Variants in ABLIM1 observed in about 807,000 individuals in gnomAD.
The protein encoded by ABLIM1 is actin-binding LIM protein 1.
In ABLIM1, 40 loss-of-function variants were observed where a neutral mutation model predicts 107.0. The observed-to-expected ratio is 0.37, with a 90% CI of 0.29 to 0.49. The LOEUF is 0.49. Among genes scored for constraint, ABLIM1 ranks in the 20% least tolerant of loss-of-function variants. The pLI is 0.97. For missense variants in ABLIM1, 857 were observed against 1,008.5 expected (o/e 0.85, Z 2.04); for synonymous variants, 357 against 357.3 (o/e 1.00, Z 0.01).
chr10:114,774,146 G>T, the ABLIM1 span, among the ~76,000 whole-genome samples: 24 of 152,074 alleles, frequency 1.6e-4, no homozygotes, highest in Non-Finnish European at 2.1e-4. Flanking sequence ...ATTATAAACT[G>T]GAATTCTGCT....
intron 1 of ABLIM1, among the ~76,000 whole-genome samples, chr10:114,731,054 A>G (rs2082062742): frequency 6.6e-6 from 1 of 152,130 alleles, no homozygotes; most frequent in African/African-American, 2.4e-5. Flanking sequence ...TTGTTTATCT[A>G]TTCACCAGTT....
At chr10:114,601,654 G>A (rs766803585) in intron 2 of ABLIM1, 173 bp downstream of exon 2, 22 of 1,071,466 alleles carry the variant, frequency 2.1e-5, no homozygotes, top group African/African-American at 4.7e-5. Flanking sequence ...AGCAGGACTC[G>A]TTCTCGCCCT....
chr10:114,538,856 G>C (rs1235898664), intron 6 of ABLIM1, among the ~76,000 whole-genome samples: 2 of 152,354 alleles, frequency 1.3e-5, no homozygotes, highest in East Asian at 3.9e-4. Flanking sequence ...TAGCCCCTGG[G>C]GGCATAGGAA....
At chr10:114,536,396 T>C (rs1483028886) in intron 6 of ABLIM1, among the ~76,000 whole-genome samples, 4 of 151,764 alleles carry the variant, frequency 2.6e-5, no homozygotes, top group African/African-American at 9.7e-5. Context: ...TACAGGTAAC[T>C]GCCACCACGC....
At chr10:114,691,084 T>A (rs1410281948) in intron 1 of ABLIM1, among the ~76,000 whole-genome samples, 1 of 152,246 alleles carries the variant, frequency 6.6e-6, no homozygotes, top group Non-Finnish European at 1.5e-5. Flanking sequence ...AGGACAATTA[T>A]GAATCCCTCT....
intron 8 of ABLIM1, among the ~76,000 whole-genome samples, chr10:114,478,954 A>C (rs2056913314): frequency 6.6e-6 from 1 of 152,238 alleles, no homozygotes; most frequent in Non-Finnish European, 1.5e-5. Context: ...GGGATAAAAC[A>C]CATCTATGTA....
chr10:114,525,427 A>G (rs1406261127), intron 6 of ABLIM1, among the ~76,000 whole-genome samples: 1 of 152,256 alleles, frequency 6.6e-6, no homozygotes, highest in Non-Finnish European at 1.5e-5. Flanking sequence ...TCACTGACAC[A>G]TGAAAATGCT....
upstream of ABLIM1, among the ~76,000 whole-genome samples, chr10:114,689,337 C>T (rs1264990437): frequency 6.6e-6 from 1 of 151,656 alleles, no homozygotes; most frequent in Non-Finnish European, 1.5e-5. Flanking sequence ...ACAGAGTTCA[C>T]CCACCATTTT....
chr10:114,505,518 C>A (rs573008699), intron 6 of ABLIM1, among the ~76,000 whole-genome samples: 3 of 152,170 alleles, frequency 2.0e-5, no homozygotes, highest in Non-Finnish European at 2.9e-5. Flanking sequence ...CCAAATAGTA[C>A]AATTAAGTGC....
chr10:114,759,587 A>G (rs925690146), intron 1 of ABLIM1, among the ~76,000 whole-genome samples: 9 of 152,206 alleles, frequency 5.9e-5, no homozygotes, highest in African/African-American at 1.9e-4. Context: ...ACCTCAGCAC[A>G]CCAACTTGCC....
In ABLIM1 at chr10:114,440,719, C is replaced by T. The variant is rs745752851; in HGVS notation, c.2059+298G>A. 1.5e-4 allele frequency: 70 copies of T among 478,340 alleles called. No homozygotes were observed. The Middle Eastern group carries it at 1.7e-3, about 11-fold the overall frequency. 29.6% of individuals were successfully genotyped at this position (478,340 alleles called of 1,614,324 possible). On this transcript the variant is annotated intron_variant, in intron 19 of 22. Transcript: ENST00000533213. ...CAAGTAATCCTTCCGCCTCAGCCTC[C>T]CAAAGTGTTGGGATTGCAGGCATGA... is the stretch of plus-strand genomic sequence containing the variant.
intron 1 of ABLIM1, among the ~76,000 whole-genome samples, chr10:114,748,679 T>C (rs1383262672): frequency 6.7e-6 from 1 of 148,888 alleles, no homozygotes; most frequent in African/African-American, 2.5e-5. Context: ...TTTTTAGTGA[T>C]GAGGTCTTTC....
the ABLIM1 span, among the ~76,000 whole-genome samples, chr10:114,789,593 TTTTTTGAC>T: frequency 6.6e-6 from 1 of 152,180 alleles, no homozygotes; most frequent in Non-Finnish European, 1.5e-5. Context: ...GCATCTGTTA[TTTTTTGAC>T]TTTTTAACAG....
At chr10:114,609,046 A>T (rs1265606495) in intron 1 of ABLIM1, among the ~76,000 whole-genome samples, 1 of 152,052 alleles carries the variant, frequency 6.6e-6, no homozygotes, top group African/African-American at 2.4e-5. Context: ...CTCAGTCCCA[A>T]ATCATCAAGC....
At chr10:114,516,756 A>G (rs1389740459) in intron 6 of ABLIM1, among the ~76,000 whole-genome samples, 1 of 152,200 alleles carries the variant, frequency 6.6e-6, no homozygotes, top group African/African-American at 2.4e-5. Context: ...ACAATAATTA[A>G]TGCCAGTTAA....
intron 22 of ABLIM1, among the ~76,000 whole-genome samples, chr10:114,436,839 C>A (rs992591155): frequency 6.6e-6 from 1 of 151,974 alleles, no homozygotes; most frequent in African/African-American, 2.4e-5. Context: ...ATCAGTCATT[C>A]CCCCCTAGAA....
intron 12 of ABLIM1, among the ~76,000 whole-genome samples, chr10:114,457,418 C>T (rs1035860855): frequency 3.3e-5 from 5 of 152,046 alleles, no homozygotes; most frequent in African/African-American, 9.7e-5. Context: ...TACAGACATG[C>T]GCCACCACAT....
intron 1 of ABLIM1, among the ~76,000 whole-genome samples, chr10:114,727,785 T>C (rs376398051): frequency 6.6e-6 from 1 of 152,248 alleles, no homozygotes; most frequent in Non-Finnish European, 1.5e-5. Context: ...AGAAGCCCCA[T>C]CTCTACAAAA....
At chr10:114,659,731 T>A (rs2079704689), upstream of ABLIM1, among the ~76,000 whole-genome samples, 1 of 152,146 alleles carries the variant, frequency 6.6e-6, no homozygotes, top group Admixed American at 6.6e-5. Context: ...CCCAGACTAG[T>A]GCCAGCACTC....
Sources: allele counts gnomAD v4.1 joint callset (sites outside exome capture counted in the v4.1 genomes callset), GRCh38; gene constraint gnomAD v4.1.1; transcripts MANE v1.5; gene names NCBI Gene and HGNC (gene_info 2026-07-23, HGNC 2026-07-21).